Variants in LIAT1 observed in about 807,000 individuals in gnomAD.
The protein encoded by LIAT1 is protein LIAT1.
the LIAT1 span, chr17:414,396 C>A: frequency 2.5e-6 from 1 of 402,290 alleles, no homozygotes; most frequent in Non-Finnish European, 4.5e-6. The surrounding 1 kb of genome is among the most constrained non-coding windows in gnomAD (Gnocchi z 4.1). Flanking sequence ...AGCTAGATGT[C>A]TATAATCTGC....
chr17:413,708 C>T, the LIAT1 span: 24 of 1,584,036 alleles, frequency 1.5e-5, no homozygotes, highest in Non-Finnish European at 1.8e-5. Flanking sequence ...CCACATTGAC[C>T]CCGAGGCCCT....
chr17:413,632 G>A, the LIAT1 span: 128 of 1,559,894 alleles, frequency 8.2e-5, 3 homozygotes, highest in East Asian at 2.7e-3. Flanking sequence ...AGGCCCTCAA[G>A]GGCTTCCACC....
chr17:413,192 T>C, the LIAT1 span: 11 of 1,614,140 alleles, frequency 6.8e-6, no homozygotes, highest in Non-Finnish European at 6.8e-6. Context: ...GCTTTCTTCC[T>C]CCTTTCATGA....
At chr17:410,411 G>C in the LIAT1 span, 10 of 1,531,644 alleles carry the variant, frequency 6.5e-6, no homozygotes, top group African/African-American at 1.4e-5. Flanking sequence ...TCGGGCCTCG[G>C]GCGCCCCCGG....
the LIAT1 span, chr17:414,129 A>G: frequency 1.2e-6 from 2 of 1,604,742 alleles, no homozygotes; most frequent in Non-Finnish European, 1.7e-6. The surrounding 1 kb of genome is among the most constrained non-coding windows in gnomAD (Gnocchi z 4.1). Flanking sequence ...TCTACCCACG[A>G]CGCTCACAAA....
At chr17:412,657 T>C in the LIAT1 span, among the ~76,000 whole-genome samples, 4 of 152,244 alleles carry the variant, frequency 2.6e-5, no homozygotes, top group Admixed American at 2.6e-4. Flanking sequence ...TTAGGAAGCT[T>C]TTCTGTTGTT....
the LIAT1 span, chr17:410,723 C>T: frequency 5.8e-6 from 8 of 1,375,534 alleles, no homozygotes; most frequent in African/African-American, 4.3e-5. Context: ...CCCATTTACC[C>T]TTCAGACCGG....
At chr17:413,379 C>G in the LIAT1 span, 2 of 1,614,214 alleles carry the variant, frequency 1.2e-6, no homozygotes, top group Middle Eastern at 1.6e-4. Flanking sequence ...CTTGCTGACC[C>G]GGAGGCAGAG....
At chr17:413,725 C>G in the LIAT1 span, 1 of 1,122,162 alleles carries the variant, frequency 8.9e-7, no homozygotes, top group Non-Finnish European at 1.2e-6. Context: ...CCCTCAAGGG[C>G]TTCCACCCCG....
the LIAT1 span, chr17:413,578 C>T: frequency 6.8e-7 from 1 of 1,476,234 alleles, no homozygotes; most frequent in South Asian, 1.2e-5. Context: ...TCAAGGGCAT[C>T]CACCCCGACC....
the LIAT1 span, chr17:414,275 T>C: frequency 1.2e-6 from 1 of 864,518 alleles, no homozygotes; most frequent in South Asian, 1.7e-5. The surrounding 1 kb of genome is among the most constrained non-coding windows in gnomAD (Gnocchi z 4.1). Flanking sequence ...TGCCCTCGGT[T>C]GCCCAGGAGA....
the LIAT1 span, chr17:413,684 G>A: frequency 4.9e-3 from 7,677 of 1,573,186 alleles, 746 homozygotes; most frequent in African/African-American, 0.094. Flanking sequence ...TGACCCCGAG[G>A]CCCTCAAGGG....
chr17:413,356 T>C, the LIAT1 span: 1 of 1,614,242 alleles, frequency 6.2e-7, no homozygotes, highest in Non-Finnish European at 8.5e-7. Context: ...AAAGTCTGCG[T>C]TGGGATGGAA....
the LIAT1 span, among the ~76,000 whole-genome samples, chr17:411,809 CAG>C: frequency 2.6e-5 from 4 of 152,188 alleles, no homozygotes; most frequent in African/African-American, 9.7e-5. Context: ...ACAGCAGTGA[CAG>C]AGAATGCAGG....
chr17:414,022 C>G, the LIAT1 span: 1 of 1,614,260 alleles, frequency 6.2e-7, no homozygotes, highest in Non-Finnish European at 8.5e-7. This position sits in a 1 kb window ranked among gnomAD's most constrained non-coding sequence, Gnocchi z 4.1. Context: ...ACAGGCAGCC[C>G]ACGTCGAAAG....
chr17:411,970 C>T, the LIAT1 span, among the ~76,000 whole-genome samples: 15 of 152,196 alleles, frequency 9.9e-5, no homozygotes, highest in Non-Finnish European at 1.2e-4. Flanking sequence ...GAGTGGCAGC[C>T]TCGCCCATAT....
At chr17:411,824 C>T in the LIAT1 span, among the ~76,000 whole-genome samples, 2 of 152,154 alleles carry the variant, frequency 1.3e-5, no homozygotes, top group Non-Finnish European at 2.9e-5. Context: ...AATGCAGGTG[C>T]CCGTGAGTGC....
the LIAT1 span, among the ~76,000 whole-genome samples, chr17:411,324 G>C: frequency 6.6e-6 from 1 of 152,068 alleles, no homozygotes; most frequent in Non-Finnish European, 1.5e-5. Flanking sequence ...ACTAAAGGGC[G>C]GGGGACACCC....
the LIAT1 span, chr17:410,513 G>A: frequency 1.9e-6 from 3 of 1,545,454 alleles, no homozygotes; most frequent in African/African-American, 2.7e-5. Flanking sequence ...AGGAGGAGGA[G>A]CGGGAGGGCG....
Sources: allele counts gnomAD v4.1 joint callset (sites outside exome capture counted in the v4.1 genomes callset), GRCh38; gene constraint gnomAD v4.1.1; non-coding constraint Gnocchi (gnomAD v3.1); transcripts MANE v1.5; gene names NCBI Gene and HGNC (gene_info 2026-07-23, HGNC 2026-07-21).